Variants in DTNBP1 observed in about 807,000 individuals in gnomAD.
DTNBP1 encodes the protein dystrobrevin binding protein 1, also known as dysbindin.
In DTNBP1, 35 loss-of-function variants were observed where a neutral mutation model predicts 42.8. The observed-to-expected ratio is 0.82, with a 90% CI of 0.63 to 1.09. The LOEUF (loss-of-function observed/expected upper bound fraction) is 1.09. DTNBP1 is among the 50% of genes least tolerant of loss of function. The pLI, the probability that DTNBP1 is intolerant of heterozygous loss-of-function variation, is 0.00. For synonymous variants in DTNBP1, 171 were observed against 162.2 expected, an observed-to-expected ratio of 1.05 and a Z score of -0.41; for missense variants, 457 against 424.2, an observed-to-expected ratio of 1.08 and a Z score of -0.68.
At chr6:15,648,468 C>T (rs1010983558) in intron 3 of DTNBP1, among the ~76,000 whole-genome samples, 2 of 151,838 alleles carry the variant, frequency 1.3e-5, no homozygotes, top group Non-Finnish European at 2.9e-5. Context: ...GATTTCTATT[C>T]ATAAATGATA....
At chr6:15,646,573 C>T (rs1041830814) in intron 3 of DTNBP1, among the ~76,000 whole-genome samples, 2 of 151,790 alleles carry the variant, frequency 1.3e-5, no homozygotes, top group African/African-American at 4.8e-5. Context: ...CAATCCAAAG[C>T]AAAAAGAACA....
intron 7 of DTNBP1, among the ~76,000 whole-genome samples, chr6:15,549,705 A>G (rs1027347185): frequency 6.6e-6 from 1 of 152,024 alleles, no homozygotes; most frequent in Non-Finnish European, 1.5e-5. Context: ...CTTTTTTTCT[A>G]GCATTTTATA....
chr6:15,548,490 C>T (rs2113398187), intron 7 of DTNBP1: 1 of 150,304 alleles, frequency 6.7e-6, no homozygotes, highest in East Asian at 1.9e-4. Flanking sequence ...CACCACAATT[C>T]TTCCCATGTA....
intron 7 of DTNBP1, among the ~76,000 whole-genome samples, chr6:15,569,329 T>C (rs764071811): frequency 6.6e-6 from 1 of 151,940 alleles, no homozygotes; most frequent in Admixed American, 6.6e-5. Context: ...ATTACAGTGG[T>C]ACAGCTGAAG....
At chr6:15,556,733 T>A (rs1301206591) in intron 7 of DTNBP1, among the ~76,000 whole-genome samples, 1 of 152,110 alleles carries the variant, frequency 6.6e-6, no homozygotes, top group Non-Finnish European at 1.5e-5. Flanking sequence ...CCAGCCCCAT[T>A]TCAGGCAATG....
chr6:15,538,418 C>T lies in DTNBP1; in HGVS notation c.512-5023G>A, dbSNP rs551911255. Among the ~76,000 whole-genome samples, 7 of 152,294 alleles carry T rather than the reference C, an allele frequency of 4.6e-5. No homozygotes were observed. The East Asian group carries it at 1.4e-3, about 29-fold the overall frequency. Reference sequence around the variant, plus strand: ...TGAACTCTGGCAATGACCTGAAGGGCCCTCACACAGATTCTTCTCCAGTGC... The same window carrying T: ...TGAACTCTGGCAATGACCTGAAGGGTCCTCACACAGATTCTTCTCCAGTGC... On this transcript the variant is annotated intron_variant, in intron 7 of 9. Transcript: ENST00000344537.
At chr6:15,528,834 T>C (rs1772603736) in intron 8 of DTNBP1, among the ~76,000 whole-genome samples, 1 of 152,184 alleles carries the variant, frequency 6.6e-6, no homozygotes, top group African/African-American at 2.4e-5. Flanking sequence ...ACCTGGTAAC[T>C]TGGTTATAAT....
chr6:15,534,659 CAAAAAAAA>C (rs34234744), intron 7 of DTNBP1, among the ~76,000 whole-genome samples: 1 of 99,254 alleles, frequency 1.0e-5, no homozygotes, highest in Non-Finnish European at 1.9e-5. Context: ...GACTCTGTCT[CAAAAAAAA>C]AAAAAAAAAA....
At chr6:15,622,216 G>T (rs1225962359) in intron 5 of DTNBP1, among the ~76,000 whole-genome samples, 1 of 152,050 alleles carries the variant, frequency 6.6e-6, no homozygotes, top group African/African-American at 2.4e-5. Context: ...CATGAGCAGA[G>T]AACTTAGAAA....
At chr6:15,579,484 AT>A (rs1202919284) in intron 7 of DTNBP1, among the ~76,000 whole-genome samples, 1 of 152,206 alleles carries the variant, frequency 6.6e-6, no homozygotes, top group African/African-American at 2.4e-5. Flanking sequence ...GACTATAACA[AT>A]TTATTGTATA....
intron 7 of DTNBP1, among the ~76,000 whole-genome samples, chr6:15,583,582 T>C (rs1267302865): frequency 6.6e-6 from 1 of 152,212 alleles, no homozygotes; most frequent in African/African-American, 2.4e-5. Context: ...AAGTCTCTTG[T>C]TAAGGCTGAC....
chr6:15,599,151 T>C (rs948431900), intron 6 of DTNBP1, among the ~76,000 whole-genome samples: 1 of 152,178 alleles, frequency 6.6e-6, no homozygotes, highest in Non-Finnish European at 1.5e-5. Context: ...CTATTTTACA[T>C]GAAAATCTAT....
At chr6:15,578,983 G>C (rs1314994119) in intron 7 of DTNBP1, among the ~76,000 whole-genome samples, 4 of 152,218 alleles carry the variant, frequency 2.6e-5, no homozygotes, top group African/African-American at 4.8e-5. Context: ...ATGGAAAACA[G>C]TATGGAGGTG....
intron 4 of DTNBP1, among the ~76,000 whole-genome samples, chr6:15,632,672 A>C (rs895763181): frequency 9.8e-5 from 15 of 152,334 alleles, no homozygotes; most frequent in African/African-American, 3.6e-4. Flanking sequence ...AAATTTGCTA[A>C]AACTTTTTAC....
chr6:15,649,776 C>G (rs1760879078), intron 3 of DTNBP1, among the ~76,000 whole-genome samples: 1 of 152,180 alleles, frequency 6.6e-6, no homozygotes, highest in Non-Finnish European at 1.5e-5. Context: ...ACATTATTGA[C>G]ACCGTCTTAC....
At chr6:15,575,413 A>G (rs1370125581) in intron 7 of DTNBP1, among the ~76,000 whole-genome samples, 1 of 152,196 alleles carries the variant, frequency 6.6e-6, no homozygotes, top group Non-Finnish European at 1.5e-5. Context: ...CTCCAAAATC[A>G]CTTGTTATGG....
chr6:15,565,555 T>C (rs1775035159), intron 7 of DTNBP1, among the ~76,000 whole-genome samples: 1 of 152,226 alleles, frequency 6.6e-6, no homozygotes, highest in African/African-American at 2.4e-5. Context: ...GAAAATATTA[T>C]GCTAAGTGAA....
At chr6:15,580,148 T>C (rs962520412) in intron 7 of DTNBP1, among the ~76,000 whole-genome samples, 1 of 152,160 alleles carries the variant, frequency 6.6e-6, no homozygotes, top group African/African-American at 2.4e-5. Context: ...ACACTAAAAC[T>C]GCAACTGAAA....
intron 3 of DTNBP1, among the ~76,000 whole-genome samples, chr6:15,640,509 T>C (rs1760283006): frequency 6.6e-6 from 1 of 152,220 alleles, no homozygotes; most frequent in African/African-American, 2.4e-5. Context: ...AGTGGAAGTG[T>C]TCACAATACA....
Sources: gnomAD v4.1 joint callset for allele counts (sites outside exome capture counted in the v4.1 genomes callset) on GRCh38, gnomAD v4.1.1 for gene constraint, MANE v1.5 for transcripts, NCBI Gene and HGNC (gene_info 2026-07-23, HGNC 2026-07-21) for gene names.